The following CEACAM8 variants were observed in gnomAD, a reference collection of about 807,000 sequenced individuals.
CEACAM8 encodes cell adhesion molecule CEACAM8.
CEACAM8 carries 31 observed loss-of-function variants against 33.4 expected under a neutral mutation model. That is an observed-to-expected ratio of 0.93 (90% confidence interval 0.70 to 1.25). The LOEUF is 1.25. Among genes scored for constraint, CEACAM8 ranks in the 50% most tolerant of loss-of-function variants. CEACAM8 has a pLI of 0.00. For synonymous variants in CEACAM8, 138 were observed against 164.5 expected, an observed-to-expected ratio of 0.84 and a Z score of 1.23; for missense variants, 388 against 434.6, an observed-to-expected ratio of 0.89 and a Z score of 0.95.
chr19:42,583,830 T>C (rs1460144402), intron 4 of CEACAM8, among the ~76,000 whole-genome samples: 1 of 152,218 alleles, frequency 6.6e-6, no homozygotes, highest in African/African-American at 2.4e-5. Context: ...TGAGACTCTG[T>C]TTAACTCTGA....
intron 4 of CEACAM8, 23 bp downstream of exon 4, chr19:42,588,761 C>T (rs1239156548): frequency 6.2e-7 from 1 of 1,612,480 alleles, no homozygotes; most frequent in Non-Finnish European, 8.5e-7. Context: ...AACATACTGC[C>T]AGTGCTCCAG....
chr19:42,581,082 A>G lies in CEACAM8; in HGVS notation c.*312T>C, dbSNP rs1172691023. On this transcript the variant is annotated 3_prime_UTR_variant, in exon 6 of 6. Coordinates refer to ENST00000244336, the MANE Select transcript of CEACAM8 (RefSeq NM_001816.4). Reference sequence around the variant, plus strand: ...GCGACAGAGCGAGATTCCATCTCAAAAAAAAAAAAAAAAAAATCTTAAAAA... The same window carrying G: ...GCGACAGAGCGAGATTCCATCTCAAGAAAAAAAAAAAAAAAATCTTAAAAA... The G allele has an allele frequency of 1.3e-5, 2 of 151,170 alleles. No individual in the cohort carries two copies. The highest frequency in any genetic ancestry group is 4.9e-5 in the African/African-American group (2 of 41,138). 9.4% of individuals were successfully genotyped at this position (151,170 alleles called of 1,614,324 possible).
chr19:42,588,778 A>G lies in CEACAM8; in HGVS notation c.958+6T>C. On this transcript the variant is annotated splice_donor_region_variant and intron_variant, in intron 4 of 5. Coordinates refer to ENST00000244336, the MANE Select transcript of CEACAM8 (RefSeq NM_001816.4). ...CATACTGCCAGTGCTCCAGGGATCC[A>G]CTTACCAGAGACTGTGATCATCCTG... The G allele has an allele frequency of 6.2e-7, 1 of 1,614,096 alleles. No individual in the cohort carries two copies. The highest frequency in any genetic ancestry group is 8.5e-7 in the Non-Finnish European group (1 of 1,179,950).
At chr19:42,593,096 G>A (rs916376242) in intron 2 of CEACAM8, among the ~76,000 whole-genome samples, 2 of 152,226 alleles carry the variant, frequency 1.3e-5, no homozygotes, top group African/African-American at 4.8e-5. Flanking sequence ...ACCCAGTGCT[G>A]GCACAGGTTT....
chr19:42,581,669 ATCACAAGG>A (rs902720996), intron 5 of CEACAM8, among the ~76,000 whole-genome samples: 2 of 151,674 alleles, frequency 1.3e-5, no homozygotes, highest in Non-Finnish European at 2.9e-5. Context: ...AGGCGGGTGG[ATCACAAGG>A]TCATGAGATC....
chr19:42,587,262 G>A (rs2042352092), intron 4 of CEACAM8, among the ~76,000 whole-genome samples: 1 of 152,150 alleles, frequency 6.6e-6, no homozygotes, highest in Non-Finnish European at 1.5e-5. Flanking sequence ...CAAGAGAATT[G>A]GAAGGGATTT....
intron 4 of CEACAM8, 108 bp from the exon 5 acceptor site, chr19:42,583,445 G>A: frequency 1.4e-6 from 1 of 718,798 alleles, no homozygotes; most frequent in East Asian, 2.7e-5. Context: ...GTTTTTTCAA[G>A]GAATACATTA....
At position 42,583,211 on chromosome 19, in the gene CEACAM8, A is replaced by G; in HGVS notation, c.*35T>C. 7.5e-7 allele frequency: 1 copy of G among 1,339,972 alleles called. No individual in the cohort carries two copies. Among genetic ancestry groups the G allele is most frequent in the Non-Finnish European group, 1.1e-6 (1 of 937,242 alleles). The allele number at this position is 1,339,972 out of a possible 1,614,324, so 83.0% of individuals were successfully genotyped here. ...AAGAGGAAAGGCCATCATACCTGCC[A>G]GTCTTCTTGAAATGCAGAAACTACA... On this transcript the variant is annotated 3_prime_UTR_variant, in exon 5 of 6. Coordinates refer to ENST00000244336, the MANE Select transcript of CEACAM8 (RefSeq NM_001816.4).
At chr19:42,585,046 G>A (rs764224125) in intron 4 of CEACAM8, among the ~76,000 whole-genome samples, 10 of 152,168 alleles carry the variant, frequency 6.6e-5, no homozygotes, top group Non-Finnish European at 1.3e-4. Flanking sequence ...TTCAATCCCA[G>A]CACTTTGGGA....
intron 2 of CEACAM8, among the ~76,000 whole-genome samples, chr19:42,589,955 G>A (rs539627530): frequency 6.6e-6 from 1 of 152,308 alleles, no homozygotes; most frequent in East Asian, 1.9e-4. Context: ...TCTCAAATGT[G>A]AATTGGGCAG....
chr19:42,590,509 T>A (rs1052893479), intron 2 of CEACAM8, among the ~76,000 whole-genome samples: 3 of 152,096 alleles, frequency 2.0e-5, no homozygotes, highest in African/African-American at 7.2e-5. Flanking sequence ...CATAAATACA[T>A]GTGGACATTT....
At chr19:42,593,991 A>ATG in intron 1 of CEACAM8, 91 bp from the exon 2 acceptor site, 1 of 1,248,806 alleles carries the variant, frequency 8.0e-7, no homozygotes, top group African/African-American at 1.5e-5. Context: ...GTGTGTTTTT[A>ATG]TGTGTGTGTA....
intron 4 of CEACAM8, among the ~76,000 whole-genome samples, chr19:42,586,125 A>T (rs45584637): frequency 0.011 from 1,742 of 152,338 alleles, 24 homozygotes; most frequent in African/African-American, 0.04. Flanking sequence ...TTTTGTTTTC[A>T]TGGATTGGAA....
rs781757353 is a variant in CEACAM8 at position 42,583,203 on chromosome 19, T to C, written c.*40+3A>G. On this transcript the variant is annotated splice_donor_region_variant and intron_variant, in intron 5 of 5. Coordinates refer to ENST00000244336, the MANE Select transcript of CEACAM8 (RefSeq NM_001816.4). ...AACAGGACAAGAGGAAAGGCCATCA[T>C]ACCTGCCAGTCTTCTTGAAATGCAG... The C allele has an allele frequency of 2.3e-6, 3 of 1,286,796 alleles. No homozygotes were observed. Among genetic ancestry groups the C allele is most frequent in the Non-Finnish European group, 3.4e-6 (3 of 889,398 alleles). The allele number at this position is 1,286,796 out of a possible 1,614,324, so 79.7% of individuals were successfully genotyped here.
At chr19:42,588,493 A>G (rs1203164587) in intron 4 of CEACAM8, among the ~76,000 whole-genome samples, 1 of 151,936 alleles carries the variant, frequency 6.6e-6, no homozygotes, top group Non-Finnish European at 1.5e-5. Context: ...GACCTTGAGG[A>G]CCCTCCTTCT....
chr19:42,582,394 G>A (rs187031411), intron 5 of CEACAM8, among the ~76,000 whole-genome samples: 2 of 152,162 alleles, frequency 1.3e-5, no homozygotes, highest in African/African-American at 4.8e-5. Flanking sequence ...TATGTTCTCT[G>A]GGGTAGGGAT....
chr19:42,592,775 A>T (rs1172406101), intron 2 of CEACAM8, among the ~76,000 whole-genome samples: 1 of 152,168 alleles, frequency 6.6e-6, no homozygotes, highest in Non-Finnish European at 1.5e-5. Context: ...ATTTGCCTCC[A>T]TGAGAGGGTC....
chr19:42,592,891 G>A (rs1369381711), intron 2 of CEACAM8, among the ~76,000 whole-genome samples: 1 of 152,170 alleles, frequency 6.6e-6, no homozygotes, highest in African/African-American at 2.4e-5. Flanking sequence ...AGCCTCCCAG[G>A]CCAGTTGGCT....
At chr19:42,585,313 C>CAAAAAAAAAAAAAAAAA (rs34190972) in intron 4 of CEACAM8, among the ~76,000 whole-genome samples, 1 of 61,944 alleles carries the variant, frequency 1.6e-5, no homozygotes, top group Non-Finnish European at 3.8e-5. Context: ...CTCTCTCTCT[C>CAAAAAAAAAAAAAAAAA]AAAAAAAAAA....
Sources: gnomAD v4.1 joint callset for allele counts (sites outside exome capture counted in the v4.1 genomes callset) on GRCh38, gnomAD v4.1.1 for gene constraint, MANE v1.5 for transcripts, NCBI Gene and HGNC (gene_info 2026-07-23, HGNC 2026-07-21) for gene names.